The following PCBP3 variants were observed in gnomAD, a reference collection of about 807,000 sequenced individuals.
PCBP3 encodes the protein poly(rC) binding protein 3.
Under a neutral mutation model 52.7 loss-of-function variants are expected in PCBP3, and 25 were observed. The observed-to-expected ratio is 0.47, with a 90% confidence interval of 0.35 to 0.66. PCBP3 has a LOEUF of 0.66. PCBP3 is among the 30% of genes least tolerant of loss of function. PCBP3 has a pLI of 0.01. For missense variants in PCBP3, 391 were observed against 490.3 expected (o/e 0.80, Z 1.91); for synonymous variants, 162 against 183.0 (o/e 0.89, Z 0.93).
At chr21:45,678,000 G>A (rs2081574593) in intron 2 of PCBP3, among the ~76,000 whole-genome samples, 1 of 152,182 alleles carries the variant, frequency 6.6e-6, no homozygotes, top group Non-Finnish European at 1.5e-5. Flanking sequence ...CATTCTGCAA[G>A]CCATGGGTCA....
chr21:45,924,432 G>A (rs867092781), intron 13 of PCBP3, among the ~76,000 whole-genome samples: 2 of 121,412 alleles, frequency 1.6e-5, no homozygotes, highest in African/African-American at 3.6e-5. Flanking sequence ...TGCGAACACC[G>A]GGAACAGTCG....
At chr21:45,875,461 C>A (rs984416179) in intron 5 of PCBP3, among the ~76,000 whole-genome samples, 1 of 152,176 alleles carries the variant, frequency 6.6e-6, no homozygotes, top group Non-Finnish European at 1.5e-5. Context: ...AGTCACACAA[C>A]GTCAGAAAAC....
intron 1 of PCBP3, among the ~76,000 whole-genome samples, chr21:45,658,096 TTGAGTGTTATTATCA>T (rs1472659750): frequency 6.6e-6 from 1 of 152,162 alleles, no homozygotes; most frequent in East Asian, 1.9e-4. Context: ...CCCTATTTTG[TTGAGTGTTATTATCA>T]TGAAAGCGTG....
rs540661781 is a variant in PCBP3 at position 45,735,823 on chromosome 21, T to G, written c.-162+394T>G. On this transcript the variant is annotated intron_variant, in intron 3 of 17. Coordinates refer to ENST00000681687, the MANE Select transcript of PCBP3 (RefSeq NM_001384156.1). This position sits in a 1 kb window ranked among gnomAD's most constrained non-coding sequence, Gnocchi z 4.0. ...CACGCCTTTGTTCTTGTGCCAACAG[T>G]GCCCACTGCCCGGTAGTGCCTGTGT... Among the ~76,000 whole-genome samples, 39 of 152,284 alleles carry G rather than the reference T, an allele frequency of 2.6e-4. No homozygotes were observed. The highest frequency in any genetic ancestry group is 8.9e-4 in the African/African-American group (37 of 41,556).
At chr21:45,924,093 GTGAA>G (rs1405702836) in intron 13 of PCBP3, among the ~76,000 whole-genome samples, 2 of 124,122 alleles carry the variant, frequency 1.6e-5, no homozygotes, top group African/African-American at 6.9e-5. Flanking sequence ...ACGAGGAGAT[GTGAA>G]CACCGGGAAC....
At chr21:45,662,953 T>A (rs895632453) in intron 1 of PCBP3, among the ~76,000 whole-genome samples, 1 of 152,144 alleles carries the variant, frequency 6.6e-6, no homozygotes, top group South Asian at 2.1e-4. Context: ...CTACACCACC[T>A]CTTGTGGAGG....
intron 1 of PCBP3, among the ~76,000 whole-genome samples, chr21:45,655,953 A>T (rs1371590419): frequency 1.3e-5 from 2 of 152,276 alleles, no homozygotes; most frequent in African/African-American, 4.8e-5. Context: ...ATACCGTCTC[A>T]CACCAGTTTG....
intron 4 of PCBP3, among the ~76,000 whole-genome samples, chr21:45,767,797 G>T (rs2089490508): frequency 6.6e-6 from 1 of 152,226 alleles, no homozygotes; most frequent in Non-Finnish European, 1.5e-5. Context: ...CTCATGTCAG[G>T]CCCCAGGCCC....
intron 5 of PCBP3, among the ~76,000 whole-genome samples, chr21:45,865,391 C>T (rs1387782343): frequency 6.6e-6 from 1 of 152,208 alleles, no homozygotes; most frequent in Non-Finnish European, 1.5e-5. Context: ...ATGCCCTGCG[C>T]GGCCGGTGCT....
chr21:45,844,477 G>T (rs1361790293), intron 4 of PCBP3, among the ~76,000 whole-genome samples: 2 of 152,118 alleles, frequency 1.3e-5, no homozygotes, highest in Non-Finnish European at 1.5e-5. Context: ...GCAGCCGCAG[G>T]ACACCTGCCA....
At chr21:45,855,274 C>G (rs1569327653) in intron 5 of PCBP3, among the ~76,000 whole-genome samples, 1 of 152,084 alleles carries the variant, frequency 6.6e-6, no homozygotes, top group Non-Finnish European at 1.5e-5. Flanking sequence ...ATCCTGGGAT[C>G]TGGGAGGCAC....
intron 4 of PCBP3, among the ~76,000 whole-genome samples, chr21:45,799,382 G>C (rs2092192703): frequency 6.6e-6 from 1 of 152,164 alleles, no homozygotes; most frequent in Admixed American, 6.5e-5. Flanking sequence ...TTGAGAGAGA[G>C]AGACCATATT....
rs150818324 is a variant in PCBP3, at chr21:45,714,786, T to G, written c.-199-20606T>G. On this transcript the variant is annotated intron_variant, in intron 2 of 17. Transcript: ENST00000681687. ...CTGGTGAGATGTGGGGACCTTGCTC[T>G]TGGGAGTGCACATTTTTATAACCAC... is the stretch of plus-strand genomic sequence containing the variant. 1.5e-3 allele frequency among the ~76,000 whole-genome samples: 234 copies of G among 152,320 alleles called. 6 individuals are homozygous for G. In the East Asian group the frequency reaches 0.043, roughly 28 times the overall value.
chr21:45,926,503 CA>C (rs1313362470), intron 13 of PCBP3, among the ~76,000 whole-genome samples: 1 of 152,196 alleles, frequency 6.6e-6, no homozygotes, highest in East Asian at 1.9e-4. Flanking sequence ...ATGACTATGT[CA>C]AACGGTGTGG....
intron 2 of PCBP3, among the ~76,000 whole-genome samples, chr21:45,685,875 A>AAAAAC (rs1187986603): frequency 2.8e-4 from 42 of 152,164 alleles, no homozygotes; most frequent in African/African-American, 9.2e-4. Context: ...GACAAGAAAC[A>AAAAAC]AAAACAAAAC....
chr21:45,717,844 AAAATG>A (rs2084330661), intron 2 of PCBP3, among the ~76,000 whole-genome samples: 1 of 152,222 alleles, frequency 6.6e-6, no homozygotes, highest in Non-Finnish European at 1.5e-5. Context: ...CTGGCCTCAT[AAAATG>A]AGTTGGGAAG....
intron 1 of PCBP3, among the ~76,000 whole-genome samples, chr21:45,647,423 G>A (rs2079389254): frequency 6.6e-6 from 1 of 152,184 alleles, no homozygotes; most frequent in Non-Finnish European, 1.5e-5. Flanking sequence ...GATAATTACA[G>A]GGGGCCATAC....
At chr21:45,876,473 C>A (rs1353209519) in intron 5 of PCBP3, among the ~76,000 whole-genome samples, 2 of 152,152 alleles carry the variant, frequency 1.3e-5, no homozygotes, top group Admixed American at 1.3e-4. Flanking sequence ...CCACTGGCAC[C>A]TTTGTCTGCC....
intron 4 of PCBP3, among the ~76,000 whole-genome samples, chr21:45,816,245 T>A (rs2147248140): frequency 6.6e-6 from 1 of 152,118 alleles, no homozygotes; most frequent in East Asian, 1.9e-4. Flanking sequence ...ATAACAAAAT[T>A]TATTTCTTCA....
Sources: allele counts gnomAD v4.1 joint callset (sites outside exome capture counted in the v4.1 genomes callset), GRCh38; gene constraint gnomAD v4.1.1; non-coding constraint Gnocchi (gnomAD v3.1); transcripts MANE v1.5; gene names NCBI Gene and HGNC (gene_info 2026-07-23, HGNC 2026-07-21).